The following PEX10 variants were observed in gnomAD, a reference collection of about 807,000 sequenced individuals.
The protein encoded by PEX10 is peroxisome biogenesis factor 10.
Under a neutral mutation model 38.0 loss-of-function variants are expected in PEX10, and 32 were observed. That is an observed-to-expected ratio of 0.84 (90% CI 0.63 to 1.13). PEX10 has a LOEUF of 1.13. PEX10 is among the 50% of genes most tolerant of loss of function. The pLI is 0.00. For missense variants in PEX10, 483 were observed against 457.7 expected (o/e 1.06, Z -0.51); for synonymous variants, 206 against 207.3 (o/e 0.99, Z 0.05).
Position 2,404,372 on chromosome 1 carries a change from C to CT in PEX10, c.*1393dup, listed in dbSNP as rs1642926843. 2 of 152,292 alleles carry CT rather than the reference C, an allele frequency of 1.3e-5. No homozygotes were observed. Among genetic ancestry groups the CT allele is most frequent in the Admixed American group, 1.3e-4 (2 of 15,294 alleles). The allele number at this position is 152,292 out of a possible 1,614,324, so 9.4% of individuals were successfully genotyped here. ...TGTTGAGACACTTGGGATTCTCAGA[C>CT]TGTGGACAGGAGTGTTTGTCATTTT... On this transcript the variant is annotated 3_prime_UTR_variant, in exon 6 of 6. Transcript: ENST00000447513.
Position 2,410,380 on chromosome 1 carries a change from T to C in PEX10, c.184A>G (p.Thr62Ala). The C allele has an allele frequency of 6.2e-7, 1 of 1,613,940 alleles. No individual in the cohort carries two copies. Among genetic ancestry groups the C allele is most frequent in the South Asian group, 1.1e-5 (1 of 91,080 alleles). The change falls in exon 2 of 6, where the codon ACA (threonine) becomes GCA (alanine). Residue 62 changes from threonine (T) to alanine (A), a missense_variant. Physicochemically the swap from Thr to Ala is moderately conservative, Grantham distance 58. Coordinates refer to ENST00000447513, the MANE Select transcript of PEX10 (RefSeq NM_002617.4). The surrounding 1 kb of genome is among the most constrained non-coding windows in gnomAD (Gnocchi z 5.1). ...CCGTGGGAGCTTCTACCTGCAAGTG[T>C]GGTGAGGCCAAAGTAGGCCACATCT... ...LSDVAYFGLT[T>A]LAGYQTLGEE...
chr1:2,411,861 C>G (rs1643239556), intron 1 of PEX10, among the ~76,000 whole-genome samples: 1 of 152,228 alleles, frequency 6.6e-6, no homozygotes, highest in Admixed American at 6.5e-5. Flanking sequence ...AGCTCCCGGC[C>G]TGGTGAGGCA....
chr1:2,411,648 C>T (rs1304462550), intron 1 of PEX10, among the ~76,000 whole-genome samples: 2 of 152,110 alleles, frequency 1.3e-5, no homozygotes, highest in African/African-American at 4.8e-5. Context: ...AGGCGATTCT[C>T]TTGCCTCAGC....
rs1400578496 is a variant in PEX10 at position 2,408,791 on chromosome 1, G to C, written c.261C>G (p.Pro87=). The change falls in exon 3 of 6, where the codon CCC becomes CCG. Residue 87 remains proline, a synonymous_variant. Coordinates refer to ENST00000447513, the MANE Select transcript of PEX10 (RefSeq NM_002617.4). The part of the protein sequence containing the change: ...IQVDPSRIHV[P]SSLRRGVLVT... Reference sequence around the variant, plus strand: ...CCAGCACGCCACGGCGCAGCGAGGAGGGCACATGTATCCGCGATGGGTCCA... The same window carrying C: ...CCAGCACGCCACGGCGCAGCGAGGACGGCACATGTATCCGCGATGGGTCCA... 1 of 1,614,046 alleles carries C rather than the reference G, an allele frequency of 6.2e-7. No individual in the cohort carries two copies.
rs373559391 is a variant in PEX10, at chr1:2,408,456, G to A, written c.596C>T (p.Thr199Met). The A allele has an allele frequency of 9.9e-6, 16 of 1,612,934 alleles. No homozygotes were observed. The highest frequency in any genetic ancestry group is 7.7e-5 in the South Asian group (7 of 91,086). Residue 199 changes from threonine to methionine, a missense_variant, in exon 3 of 6, where the codon ACG becomes ATG. Thr to Met is a moderately conservative substitution (Grantham distance 81, BLOSUM62 -1). Coordinates refer to ENST00000447513, the MANE Select transcript of PEX10 (RefSeq NM_002617.4). ...CCCTCAGCGCCTGCTACTTACGTAC[G>A]TGATCCCCGTGAGCCTCTTGGCCAG... ...YHLAKRLTGI[T>M]YLRVRSLPGE...
upstream of PEX10, among the ~76,000 whole-genome samples, chr1:2,413,167 C>A (rs375764873): frequency 2.6e-3 from 393 of 152,348 alleles, 2 homozygotes; most frequent in South Asian, 0.012. Flanking sequence ...AGTAATCCTG[C>A]GCGAAAAGCA....
At chr1:2,411,684 G>A (rs1287533244) in intron 1 of PEX10, among the ~76,000 whole-genome samples, 3 of 151,898 alleles carry the variant, frequency 2.0e-5, no homozygotes, top group Non-Finnish European at 2.9e-5. Flanking sequence ...GATTACAGAC[G>A]CCGCCACCAC....
In PEX10 at chr1:2,412,418, C is replaced by T; in HGVS notation, c.85G>A (p.Ala29Thr). 7.1e-7 allele frequency: 1 copy of T among 1,413,984 alleles called. No homozygotes were observed. The highest frequency in any genetic ancestry group is 9.2e-7 in the Non-Finnish European group (1 of 1,088,460). The allele number at this position is 1,413,984 out of a possible 1,614,324, so 87.6% of individuals were successfully genotyped here. A position where few individuals can be genotyped will look rare whatever the true frequency, so the allele number is the denominator to read the frequency against. Residue 29 changes from alanine (A) to threonine (T), a missense_variant, in exon 1 of 6, where the codon GCG (alanine) becomes ACG (threonine). Transcript: ENST00000447513. Reference sequence around the variant, plus strand: ...GCCAGGCTGTGCAGGGCGCCGCCCGCCGCGCTCCGCAGCCCACCGCGGTAG... The same window carrying T: ...GCCAGGCTGTGCAGGGCGCCGCCCGTCGCGCTCCGCAGCCCACCGCGGTAG... ...EYYRGGLRSA[A>T]GGALHSLAGA... is the part of the protein sequence containing the mutation.
intron 3 of PEX10, 119 bp from the exon 4 acceptor site, chr1:2,407,014 C>T: frequency 7.2e-7 from 1 of 1,385,754 alleles, no homozygotes; most frequent in South Asian, 1.2e-5. Flanking sequence ...CTCTCACTGG[C>T]ATGGGGAGTG....
chr1:2,412,591 G>T, upstream of PEX10: 1 of 1,046,344 alleles, frequency 9.6e-7, no homozygotes, highest in Non-Finnish European at 1.2e-6. Context: ...ACGTGGCTCT[G>T]CGTGCGGCGC....
At position 2,409,100 on chromosome 1, in the gene PEX10, CT is replaced by C. The variant is rs142572177; in HGVS notation, c.194-243del. Among the ~76,000 whole-genome samples, 4,266 of 152,234 alleles carry C rather than the reference CT, an allele frequency of 0.028. 162 individuals are homozygous for C. The highest frequency in any genetic ancestry group is 0.084 in the African/African-American group (3,484 of 41,518). ...CTGCCCTTGGCTCCCAGGGCCTTGG[CT>C]GGCCAGTGTCCCTCCCTCTCTTGGC... is the stretch of plus-strand genomic sequence containing the variant. On this transcript the variant is annotated intron_variant, in intron 2 of 5. Transcript: ENST00000447513. This position sits in a 1 kb window ranked among gnomAD's most constrained non-coding sequence, Gnocchi z 6.2.
chr1:2,407,002 G>C (rs771084314), intron 3 of PEX10, 107 bp from the exon 4 acceptor site: 6 of 1,461,542 alleles, frequency 4.1e-6, no homozygotes, highest in Non-Finnish European at 5.6e-6. Flanking sequence ...TTAGAACCAG[G>C]CCTCTCACTG....
intron 3 of PEX10, 124 bp from the exon 4 acceptor site, chr1:2,407,019 G>C (rs961104664): frequency 1.5e-6 from 2 of 1,341,516 alleles, no homozygotes; most frequent in African/African-American, 2.9e-5. Flanking sequence ...ACTGGCATGG[G>C]GAGTGCCCGG....
chr1:2,408,780 C>T lies in PEX10; in HGVS notation c.272G>A (p.Arg91His), dbSNP rs778774616. The T allele has an allele frequency of 1.1e-5, 17 of 1,613,862 alleles. No individual in the cohort carries two copies. The South Asian group carries it at 1.5e-4, about 15-fold the overall frequency. Residue 91 changes from arginine to histidine, a missense_variant, in exon 3 of 6, where the codon CGC becomes CAC. Coordinates refer to ENST00000447513, the MANE Select transcript of PEX10 (RefSeq NM_002617.4). ...ATGCAGTGTCACCAGCACGCCACGG[C>T]GCAGCGAGGAGGGCACATGTATCCG... ...PSRIHVPSSL[R>H]RGVLVTLHAV...
chr1:2,407,688 C>T (rs956241068), intron 3 of PEX10, among the ~76,000 whole-genome samples: 11 of 152,292 alleles, frequency 7.2e-5, no homozygotes, highest in African/African-American at 2.2e-4. Context: ...GGCTCTGCGA[C>T]GAGGTCACGG....
upstream of PEX10, chr1:2,412,616 A>C: frequency 1.2e-6 from 1 of 861,390 alleles, no homozygotes; most frequent in Non-Finnish European, 1.5e-6. Flanking sequence ...CTCTGCGTCA[A>C]GGTGCTGGGG....
In PEX10 at chr1:2,406,950, C is replaced by T. The variant is rs751098874; in HGVS notation, c.601-55G>A. On this transcript the variant is annotated intron_variant, in intron 3 of 5. Coordinates refer to ENST00000447513, the MANE Select transcript of PEX10 (RefSeq NM_002617.4). Reference sequence around the variant, plus strand: ...GGACCCTGAGGGGATCTGGCCTCAGCGCCTGCTGGGAGGGTCACACGTTCA... The same window carrying T: ...GGACCCTGAGGGGATCTGGCCTCAGTGCCTGCTGGGAGGGTCACACGTTCA... 1.7e-5 allele frequency: 27 copies of T among 1,577,000 alleles called. No homozygotes were observed. The highest frequency in any genetic ancestry group is 1.3e-4 in the Admixed American group (7 of 54,808).
At chr1:2,412,934 G>A (rs1253561927), upstream of PEX10, among the ~76,000 whole-genome samples, 1 of 152,228 alleles carries the variant, frequency 6.6e-6, no homozygotes, top group Non-Finnish European at 1.5e-5. Context: ...GCGGAGTGGA[G>A]ACGCTGCAGG....
intron 1 of PEX10, among the ~76,000 whole-genome samples, chr1:2,411,501 G>A (rs1570117364): frequency 6.6e-6 from 1 of 151,930 alleles, no homozygotes; most frequent in East Asian, 1.9e-4. Flanking sequence ...CCAAAGTGCT[G>A]GGATTACAGG....
Sources: allele counts gnomAD v4.1 joint callset (sites outside exome capture counted in the v4.1 genomes callset), GRCh38; gene constraint gnomAD v4.1.1; non-coding constraint Gnocchi (gnomAD v3.1); transcripts MANE v1.5; gene names NCBI Gene and HGNC (gene_info 2026-07-23, HGNC 2026-07-21).